The following MCRS1 variants were observed in gnomAD, a reference collection of about 807,000 sequenced individuals.
MCRS1 encodes microspherule protein 1, also known as 58 kDa microspherule protein.
A neutral mutation model predicts 62.9 loss-of-function variants in MCRS1; 22 were observed. The observed-to-expected ratio is 0.35, with a 90% CI of 0.25 to 0.50. The LOEUF (loss-of-function observed/expected upper bound fraction) is 0.50, where lower values mean the gene tolerates loss of function less well. Ranked by LOEUF, MCRS1 falls within the 20% of genes least tolerant of loss-of-function variation. MCRS1 has a pLI of 0.98. For synonymous variants in MCRS1, 244 were observed against 233.5 expected (o/e 1.04, Z -0.41); for missense variants, 456 against 601.1 (o/e 0.76, Z 2.52).
chr12:49,567,500 C>T (rs547216880), intron 1 of MCRS1: 1 of 152,364 alleles, frequency 6.6e-6, no homozygotes, highest in East Asian at 1.9e-4. Flanking sequence ...CAGGGTGGCT[C>T]TTAGCTCAGT....
At chr12:49,567,564 C>T (rs960772036) in intron 1 of MCRS1, 7 of 152,288 alleles carry the variant, frequency 4.6e-5, no homozygotes, top group Admixed American at 1.3e-4. Flanking sequence ...TAGGCTACGA[C>T]TAAGAATCTT....
chr12:49,562,049 A>G (rs896679480), intron 8 of MCRS1, among the ~76,000 whole-genome samples: 1 of 152,208 alleles, frequency 6.6e-6, no homozygotes, highest in Non-Finnish European at 1.5e-5. Flanking sequence ...TGGAAGCCGC[A>G]GGAATAAAGA....
intron 3 of MCRS1, 144 bp from the exon 4 acceptor site, chr12:49,565,811 G>T: frequency 1.7e-6 from 2 of 1,207,210 alleles, no homozygotes; most frequent in Non-Finnish European, 2.4e-6. Flanking sequence ...CCTGGTTGTG[G>T]CCATGGAACT....
chr12:49,563,854 C>G (rs754150890), intron 6 of MCRS1, among the ~76,000 whole-genome samples: 5 of 152,216 alleles, frequency 3.3e-5, no homozygotes, highest in Admixed American at 6.5e-5. Context: ...GCTGCCACCC[C>G]CTAGCCACTG....
At chr12:49,566,532 T>G in intron 2 of MCRS1, 190 bp downstream of exon 2, 1 of 1,502,402 alleles carries the variant, frequency 6.7e-7, no homozygotes, top group East Asian at 2.5e-5. Flanking sequence ...AATGCAGCCG[T>G]GCTAAAGAGC....
rs773883832 is a variant in MCRS1, at chr12:49,563,042, C to G, written c.764G>C (p.Trp255Ser). ...ARTAKALQAH[W>S]QLMKQYYLLE... ...CAGGTAATACTGCTTCATGAGCTGC[C>G]AGTGGGCCTGCAGGGCCTTCGCGGT... is the stretch of plus-strand genomic sequence containing the variant. Residue 255 changes from tryptophan to serine, a missense_variant, in exon 8 of 15, where the codon TGG becomes TCG. This residue lies in a region of MCRS1 where 393 missense variants were observed against 523.5 expected (regional missense o/e 0.75). Transcript: ENST00000343810. 1 of 1,589,120 alleles carries G rather than the reference C, an allele frequency of 6.3e-7. No individual in the cohort carries two copies. Among genetic ancestry groups the G allele is most frequent in the Non-Finnish European group, 8.6e-7 (1 of 1,165,624 alleles).
chr12:49,559,615 G>A lies in MCRS1; in HGVS notation c.1004-80C>T. ...AGGGAACCAGGGCAAGGTTTATAAG[G>A]GAAGGGGGTCGGGGCCTGGGAAACG... On this transcript the variant is annotated intron_variant, in intron 11 of 14. Coordinates refer to ENST00000343810, the MANE Select transcript of MCRS1 (RefSeq NM_006337.5). This position sits in a 1 kb window ranked among gnomAD's most constrained non-coding sequence, Gnocchi z 5.2. The A allele has an allele frequency of 6.3e-7, 1 of 1,592,994 alleles. No individual in the cohort carries two copies.
At chr12:49,561,516 G>C (rs979518742) in intron 8 of MCRS1, among the ~76,000 whole-genome samples, 2 of 152,166 alleles carry the variant, frequency 1.3e-5, no homozygotes, top group African/African-American at 4.8e-5. Flanking sequence ...GCTCTCAACG[G>C]CAAAGGAGAA....
In MCRS1 at chr12:49,566,709, G is replaced by A. The variant is rs749079460; in HGVS notation, c.10+13C>T. On this transcript the variant is annotated intron_variant, in intron 2 of 14. Transcript: ENST00000343810. ...GCCCGAGCATTTGGGGAGCTGTCCC[G>A]GCCTCATACTACCTTTGTCCATCCT... The A allele has an allele frequency of 5.6e-6, 9 of 1,613,894 alleles. No individual in the cohort carries two copies. The highest frequency in any genetic ancestry group is 1.7e-5 in the Admixed American group (1 of 59,996).
At position 49,563,158 on chromosome 12, in the gene MCRS1, T is replaced by G. The variant is rs17198118; in HGVS notation, c.667-19A>C. 0.014 allele frequency: 21,768 copies of G among 1,552,034 alleles called. 198 individuals carry two copies. Among genetic ancestry groups the G allele is most frequent in the Non-Finnish European group, 0.017 (18,942 of 1,147,440 alleles). On this transcript the variant is annotated intron_variant, in intron 7 of 14. Transcript: ENST00000343810. ...GGCTGGTCTAGAGGGCAAGAAACAT[T>G]CTCTAGGCATCTGGGCTTTTTCACA...
chr12:49,565,164 G>C, intron 4 of MCRS1: 1 of 985,424 alleles, frequency 1.0e-6, no homozygotes, highest in Non-Finnish European at 1.2e-6. Flanking sequence ...GTTGGGTGGG[G>C]AGGATACCGG....
rs1939043670 is a variant in MCRS1 at position 49,566,112 on chromosome 12, G to A, written c.114C>T (p.Ala38=). ...TTCTCCGTTTAGGGATGGTGCCCAA[G>A]GCCTGGGAGGAGGCTCGCTTCTGCC... ...LAGQKRASSQ[A]LGTIPKRRSS... is the part of the protein sequence containing the mutation. Residue 38 remains alanine, a synonymous_variant, in exon 3 of 15, where the codon GCC becomes GCT. Coordinates refer to ENST00000343810, the MANE Select transcript of MCRS1 (RefSeq NM_006337.5). 1.9e-6 allele frequency: 3 copies of A among 1,614,218 alleles called. No individual in the cohort carries two copies. Among genetic ancestry groups the A allele is most frequent in the African/African-American group, 2.7e-5 (2 of 75,060 alleles).
In MCRS1 at chr12:49,558,435, G is replaced by GATTGATGGGATGGGGAAAGGCCA; in HGVS notation, c.*207_*208insTGGCCTTTCCCCATCCCATCAAT. The GATTGATGGGATGGGGAAAGGCCA allele has an allele frequency of 3.5e-6, 2 of 574,340 alleles. No homozygotes were observed. The highest frequency in any genetic ancestry group is 3.0e-6 in the Non-Finnish European group (1 of 328,322). 35.6% of individuals were successfully genotyped at this position (574,340 alleles called of 1,614,324 possible). ...TTTTAGAGAGAGGAAGATGGGGAGG[G>GATTGATGGGATGGGGAAAGGCCA]GCTCTGGATCTAGGGAAGCCTGAGG... On this transcript the variant is annotated 3_prime_UTR_variant, in exon 15 of 15. Transcript: ENST00000343810.
At chr12:49,561,614 C>T (rs1249316327) in intron 8 of MCRS1, among the ~76,000 whole-genome samples, 2 of 152,200 alleles carry the variant, frequency 1.3e-5, no homozygotes, top group East Asian at 1.9e-4. Flanking sequence ...AATAAATTTA[C>T]ACAAAATAAC....
intron 8 of MCRS1, 35 bp downstream of exon 8, chr12:49,562,966 A>G: frequency 6.3e-7 from 1 of 1,581,932 alleles, no homozygotes; most frequent in South Asian, 1.1e-5. Flanking sequence ...ATGCACGTGC[A>G]CACACCCCCA....
chr12:49,563,877 C>A (rs571057993), intron 6 of MCRS1, among the ~76,000 whole-genome samples: 46 of 152,338 alleles, frequency 3.0e-4, no homozygotes, highest in African/African-American at 9.9e-4. Context: ...TACCACCTCC[C>A]CTTTCCAAGC....
chr12:49,564,225 A>C (rs371204343), intron 6 of MCRS1, among the ~76,000 whole-genome samples: 3 of 151,776 alleles, frequency 2.0e-5, no homozygotes, highest in South Asian at 4.2e-4. Context: ...CCAAAGCCAC[A>C]ACACACACAG....
At chr12:49,562,255 G>A (rs1213532173) in intron 8 of MCRS1, among the ~76,000 whole-genome samples, 2 of 152,226 alleles carry the variant, frequency 1.3e-5, no homozygotes, top group African/African-American at 4.8e-5. Flanking sequence ...ACGGCAATGG[G>A]CAGTACTTTT....
chr12:49,566,480 G>C, intron 2 of MCRS1: 3 of 1,554,244 alleles, frequency 1.9e-6, no homozygotes, highest in Non-Finnish European at 2.6e-6. Context: ...TGGTGATGCC[G>C]ACACGCTGGG....
Sources: gnomAD v4.1 joint callset for allele counts (sites outside exome capture counted in the v4.1 genomes callset) on GRCh38, gnomAD v4.1.1 for gene constraint, gnomAD v4.1.1 regional missense constraint, Gnocchi (gnomAD v3.1) non-coding constraint, MANE v1.5 for transcripts, NCBI Gene and HGNC (gene_info 2026-07-23, HGNC 2026-07-21) for gene names.